The following STXBP5L variants were observed in gnomAD, a reference collection of about 807,000 sequenced individuals.
The protein encoded by STXBP5L is syntaxin binding protein 5L, also known as syntaxin-binding protein 5-like.
Under a neutral mutation model 144.5 loss-of-function variants are expected in STXBP5L, and 65 were observed. The observed-to-expected ratio is 0.45, with a 90% CI of 0.37 to 0.55. STXBP5L has a LOEUF of 0.55. STXBP5L is among the 20% of genes least tolerant of loss of function. The pLI is 0.00. For synonymous variants in STXBP5L, 505 were observed against 469.6 expected, an observed-to-expected ratio of 1.08 and a Z score of -0.97; for missense variants, 1,298 against 1,405.5, an observed-to-expected ratio of 0.92 and a Z score of 1.22.
At chr3:121,365,366 A>G (rs2045833557) in intron 20 of STXBP5L, among the ~76,000 whole-genome samples, 1 of 151,782 alleles carries the variant, frequency 6.6e-6, no homozygotes, top group Admixed American at 6.6e-5. Context: ...GGCAGAATAC[A>G]CGAGTGAAGC....
chr3:121,336,867 C>A (rs2044524629), intron 20 of STXBP5L, among the ~76,000 whole-genome samples: 1 of 152,046 alleles, frequency 6.6e-6, no homozygotes, highest in Non-Finnish European at 1.5e-5. Context: ...CCATCAATGG[C>A]AGATTGAATA....
intron 20 of STXBP5L, among the ~76,000 whole-genome samples, chr3:121,359,968 A>G: frequency 6.9e-6 from 1 of 145,424 alleles, no homozygotes; most frequent in Non-Finnish European, 1.5e-5. Flanking sequence ...GTGGTTATAC[A>G]TATATAATAT....
chr3:121,330,749 T>A (rs1304853378), intron 20 of STXBP5L, among the ~76,000 whole-genome samples: 1 of 152,114 alleles, frequency 6.6e-6, no homozygotes, highest in Non-Finnish European at 1.5e-5. Context: ...GGAGAAAACT[T>A]GTGCATGACC....
intron 7 of STXBP5L, among the ~76,000 whole-genome samples, chr3:121,146,387 A>G (rs1460199659): frequency 6.6e-6 from 1 of 152,190 alleles, no homozygotes; most frequent in Admixed American, 6.6e-5. Flanking sequence ...ATAAGTTAAT[A>G]GAGTGGAAAA....
intron 3 of STXBP5L, among the ~76,000 whole-genome samples, chr3:120,998,535 T>C (rs1943531573): frequency 6.6e-6 from 1 of 152,130 alleles, no homozygotes; most frequent in African/African-American, 2.4e-5. Flanking sequence ...CTCCCCTAGC[T>C]GACCATTCCC....
At chr3:121,082,569 G>T (rs912014139) in intron 5 of STXBP5L, among the ~76,000 whole-genome samples, 2 of 152,122 alleles carry the variant, frequency 1.3e-5, no homozygotes, top group African/African-American at 4.8e-5. Context: ...ACTCTGCTCT[G>T]ACCATCTTGA....
chr3:121,270,261 A>T (rs533914149), intron 18 of STXBP5L, among the ~76,000 whole-genome samples: 3 of 147,520 alleles, frequency 2.0e-5, no homozygotes, highest in Non-Finnish European at 4.5e-5. Flanking sequence ...CATCATAAGC[A>T]TAGTGTATTT....
intron 3 of STXBP5L, among the ~76,000 whole-genome samples, chr3:121,019,462 A>G (rs1186436752): frequency 6.6e-6 from 1 of 152,170 alleles, no homozygotes; most frequent in Non-Finnish European, 1.5e-5. Flanking sequence ...AGGCCAACCA[A>G]CACAAAACCA....
chr3:121,314,755 C>G (rs2043720037), intron 19 of STXBP5L, among the ~76,000 whole-genome samples: 1 of 152,094 alleles, frequency 6.6e-6, no homozygotes, highest in Admixed American at 6.6e-5. Context: ...GGCTAATATC[C>G]AGAATCTACA....
intron 2 of STXBP5L, among the ~76,000 whole-genome samples, chr3:120,922,752 A>G (rs1709418830): frequency 6.6e-6 from 1 of 151,814 alleles, no homozygotes; most frequent in African/African-American, 2.4e-5. Context: ...TTAGTGTGAT[A>G]TATCACGTTT....
intron 3 of STXBP5L, among the ~76,000 whole-genome samples, chr3:121,001,626 A>G (rs1283534637): frequency 6.6e-6 from 1 of 152,124 alleles, no homozygotes; most frequent in Non-Finnish European, 1.5e-5. Flanking sequence ...CCTTGGTTAC[A>G]TGGCAAGAGT....
intron 2 of STXBP5L, among the ~76,000 whole-genome samples, chr3:120,950,655 G>A (rs1050448232): frequency 6.6e-6 from 1 of 152,068 alleles, no homozygotes; most frequent in Non-Finnish European, 1.5e-5. Flanking sequence ...AAATAAAAGA[G>A]GATACAAACA....
chr3:120,984,277 A>T (rs1942077033), intron 3 of STXBP5L, among the ~76,000 whole-genome samples: 1 of 152,198 alleles, frequency 6.6e-6, no homozygotes, highest in African/African-American at 2.4e-5. Context: ...TTCTTTTACC[A>T]GTAATGGCTT....
chr3:121,071,145 C>G (rs145806139), intron 5 of STXBP5L, among the ~76,000 whole-genome samples: 1 of 152,228 alleles, frequency 6.6e-6, no homozygotes, highest in African/African-American at 2.4e-5. Context: ...GTGAAAGTGT[C>G]GGTGGCTTTA....
chr3:120,955,348 C>T (rs767808465), intron 3 of STXBP5L, among the ~76,000 whole-genome samples: 7 of 151,884 alleles, frequency 4.6e-5, no homozygotes, highest in African/African-American at 1.4e-4. Flanking sequence ...CTTTTGGGTG[C>T]GTTGCTCTTC....
At chr3:121,110,858 G>A (rs1250125884) in intron 5 of STXBP5L, among the ~76,000 whole-genome samples, 2 of 152,156 alleles carry the variant, frequency 1.3e-5, no homozygotes, top group Non-Finnish European at 2.9e-5. Context: ...TCTCTTTCAG[G>A]TACTTCAACC....
At chr3:121,315,930 G>A (rs1280227715) in intron 19 of STXBP5L, among the ~76,000 whole-genome samples, 1 of 151,368 alleles carries the variant, frequency 6.6e-6, no homozygotes, top group Non-Finnish European at 1.5e-5. Context: ...TGAGACCCAG[G>A]AGGCGGAGGT....
chr3:121,149,372 G>A (rs1434299123), intron 7 of STXBP5L, among the ~76,000 whole-genome samples: 1 of 151,684 alleles, frequency 6.6e-6, no homozygotes, highest in African/African-American at 2.4e-5. Flanking sequence ...CCAGAATTCA[G>A]GATCTTATTT....
intron 9 of STXBP5L, among the ~76,000 whole-genome samples, chr3:121,202,298 TC>T (rs2048169891): frequency 6.6e-6 from 1 of 152,188 alleles, no homozygotes. Flanking sequence ...CCAACTGGTA[TC>T]TTTTCCTTGT....
Sources: gnomAD v4.1 joint callset for allele counts (sites outside exome capture counted in the v4.1 genomes callset) on GRCh38, gnomAD v4.1.1 for gene constraint, MANE v1.5 for transcripts, NCBI Gene and HGNC (gene_info 2026-07-23, HGNC 2026-07-21) for gene names.